The following SACS variants were observed in gnomAD, a reference collection of about 807,000 sequenced individuals.
SACS encodes the protein sacsin.
SACS carries 197 observed loss-of-function variants against 348.0 expected under a neutral mutation model. That is an observed-to-expected ratio of 0.57 (90% CI 0.50 to 0.64). SACS has a LOEUF of 0.64. Ranked by LOEUF, SACS falls within the 30% of genes least tolerant of loss-of-function variation. The probability of loss-of-function intolerance (pLI) is 0.00; values close to 1 mark genes in which losing one functional copy is unlikely to be tolerated. For synonymous variants in SACS, 1,985 were observed against 1,910.6 expected (o/e 1.04, Z -1.02); for missense variants, 4,999 against 5,360.8 (o/e 0.93, Z 2.11).
rs749087846 is a variant in SACS at position 23,411,211 on chromosome 13, C to T, written c.20+9G>A. 2 of 1,602,524 alleles carry T rather than the reference C, an allele frequency of 1.2e-6. No homozygotes were observed. Among genetic ancestry groups the T allele is most frequent in the Admixed American group, 1.7e-5 (1 of 59,954 alleles). The stretch of plus-strand genomic sequence containing the variant: ...AAATTATTGTCATTTAAAACATTAA[C>T]TCATTTACCTGTTCTCCTTGGTCTC... On this transcript the variant is annotated intron_variant, in intron 2 of 9. Transcript: ENST00000382292.
At chr13:23,431,752 C>T (rs1251773720) in intron 1 of SACS, among the ~76,000 whole-genome samples, 1 of 152,194 alleles carries the variant, frequency 6.6e-6, no homozygotes, top group African/African-American at 2.4e-5. Context: ...CTTTTATAGA[C>T]AAGAGGGCTT....
chr13:23,370,936 G>A (rs1271799184), intron 4 of SACS, 142 bp downstream of exon 4: 7 of 463,232 alleles, frequency 1.5e-5, no homozygotes, highest in Non-Finnish European at 2.8e-5. Flanking sequence ...AGGTTGTGGT[G>A]AGCTGAGATT....
chr13:23,329,275 C>A lies in SACS; in HGVS notation c.*861G>T. 1 of 563,992 alleles carries A rather than the reference C, an allele frequency of 1.8e-6. No individual in the cohort carries two copies. The highest frequency in any genetic ancestry group is 2.5e-5 in the South Asian group (1 of 40,000). 34.9% of individuals were successfully genotyped at this position (563,992 alleles called of 1,614,324 possible). Reference sequence around the variant, plus strand: ...GTTGTTTTTTTTTTAACTGCAGCACCTTTAGACAACAAAAGATTGCATCCT... The same window carrying A: ...GTTGTTTTTTTTTTAACTGCAGCACATTTAGACAACAAAAGATTGCATCCT... On this transcript the variant is annotated 3_prime_UTR_variant, in exon 10 of 10. Coordinates refer to ENST00000382292, the MANE Select transcript of SACS (RefSeq NM_014363.6).
At chr13:23,407,394 T>A (rs1248563312) in intron 2 of SACS, among the ~76,000 whole-genome samples, 4 of 151,562 alleles carry the variant, frequency 2.6e-5, no homozygotes, top group Non-Finnish European at 5.9e-5. Context: ...AGAGACGGGG[T>A]TTCACCGTGT....
intron 9 of SACS, among the ~76,000 whole-genome samples, chr13:23,352,338 C>T (rs567564021): frequency 4.6e-5 from 7 of 152,324 alleles, no homozygotes; most frequent in African/African-American, 9.6e-5. Flanking sequence ...AAAAGCCAGA[C>T]GCAGAATATA....
At chr13:23,430,132 C>T (rs897631660) in intron 1 of SACS, among the ~76,000 whole-genome samples, 17 of 151,916 alleles carry the variant, frequency 1.1e-4, no homozygotes, top group South Asian at 1.0e-3. Context: ...CACTGGAACC[C>T]GGGAAGTGGA....
chr13:23,359,097 G>A (rs1870572838), intron 6 of SACS, among the ~76,000 whole-genome samples: 1 of 152,038 alleles, frequency 6.6e-6, no homozygotes. Flanking sequence ...TAGGAGAACT[G>A]CTTGAACCCG....
rs1022474902 is a variant in SACS, at chr13:23,329,765, T to C, written c.*371A>G. ...ACCAATTATATGTCCAGTGTTTCATTAGCTCCTTCAAAAATACCATGTTAA... is the reference window on the plus strand; with the variant it reads ...ACCAATTATATGTCCAGTGTTTCATCAGCTCCTTCAAAAATACCATGTTAA... On this transcript the variant is annotated 3_prime_UTR_variant, in exon 10 of 10. Coordinates refer to ENST00000382292, the MANE Select transcript of SACS (RefSeq NM_014363.6). 6.2e-6 allele frequency: 3 copies of C among 482,962 alleles called. No homozygotes were observed. The highest frequency in any genetic ancestry group is 2.9e-5 in the South Asian group (1 of 34,566). 29.9% of individuals were successfully genotyped at this position (482,962 alleles called of 1,614,324 possible). A position where few individuals can be genotyped will look rare whatever the true frequency, so the allele number is the denominator to read the frequency against.
At chr13:23,348,779 T>C (rs1006132282) in intron 9 of SACS, among the ~76,000 whole-genome samples, 2 of 151,960 alleles carry the variant, frequency 1.3e-5, no homozygotes, top group Non-Finnish European at 2.9e-5. Flanking sequence ...AGGAACACCA[T>C]GTACAAAAGG....
intron 6 of SACS, among the ~76,000 whole-genome samples, chr13:23,364,848 G>C (rs570400767): frequency 7.4e-4 from 113 of 152,240 alleles, no homozygotes; most frequent in African/African-American, 2.7e-3. Flanking sequence ...CCAAATGCAG[G>C]AAAGTGTTAC....
At chr13:23,375,482 C>G (rs985872916) in intron 2 of SACS, 15 of 1,153,932 alleles carry the variant, frequency 1.3e-5, no homozygotes, top group Non-Finnish European at 1.5e-5. Flanking sequence ...GGCGCAGTCC[C>G]GTACGCAGCA....
chr13:23,405,770 G>A (rs1873177731), intron 2 of SACS, among the ~76,000 whole-genome samples: 1 of 151,868 alleles, frequency 6.6e-6, no homozygotes, highest in South Asian at 2.1e-4. Flanking sequence ...TATTTATGTG[G>A]CCAACAAACA....
chr13:23,345,975 A>G (rs141868589), intron 9 of SACS, among the ~76,000 whole-genome samples: 1,626 of 152,150 alleles, frequency 0.011, 15 homozygotes, highest in Middle Eastern at 0.037. Context: ...ACTCTCCCCA[A>G]TGAGAGCTAG....
chr13:23,420,370 G>C (rs1392775577), intron 1 of SACS, among the ~76,000 whole-genome samples: 1 of 152,016 alleles, frequency 6.6e-6, no homozygotes, highest in Non-Finnish European at 1.5e-5. Flanking sequence ...CTAGAATCCA[G>C]TGTCTACCTT....
At chr13:23,342,724 A>G (rs1160574532) in intron 9 of SACS, among the ~76,000 whole-genome samples, 1 of 152,216 alleles carries the variant, frequency 6.6e-6, no homozygotes, top group East Asian at 1.9e-4. Flanking sequence ...TGCATGACCT[A>G]CAGAGAAGGT....
chr13:23,359,461 T>A (rs889078423), intron 6 of SACS, among the ~76,000 whole-genome samples: 15 of 152,222 alleles, frequency 9.9e-5, no homozygotes, highest in African/African-American at 3.4e-4. Flanking sequence ...GCATTACTTG[T>A]ATGATTTTAA....
At position 23,333,812 on chromosome 13, in the gene SACS, A is replaced by T. The variant is rs372488932; in HGVS notation, c.10064T>A (p.Ile3355Lys). ...VPLLSCHTAN[I>K]ESPTSILKAL... ...CTTCAAGATGCTTGTGGGGCTCTCT[A>T]TATTTGCTGTGTGACATGACAACAA... Residue 3355 changes from isoleucine to lysine, a missense_variant, in exon 10 of 10, where the codon ATA (isoleucine) becomes AAA (lysine). Around this residue, in one of 6 missense-constraint regions of SACS, gnomAD observed 734 missense variants for 694.0 expected, o/e 1.06. Coordinates refer to ENST00000382292, the MANE Select transcript of SACS (RefSeq NM_014363.6). 6.2e-7 allele frequency: 1 copy of T among 1,613,856 alleles called. No homozygotes were observed. Among genetic ancestry groups the T allele is most frequent in the African/African-American group, 1.3e-5 (1 of 75,008 alleles).
intron 8 of SACS, 45 bp downstream of exon 8, chr13:23,354,474 G>C (rs1445491798): frequency 1.3e-6 from 2 of 1,547,464 alleles, no homozygotes; most frequent in Admixed American, 3.3e-5. Flanking sequence ...GCAGGAGCAG[G>C]GGAACCCTAA....
At chr13:23,343,102 C>T (rs915921356) in intron 9 of SACS, among the ~76,000 whole-genome samples, 19 of 152,162 alleles carry the variant, frequency 1.2e-4, no homozygotes, top group Non-Finnish European at 2.6e-4. Flanking sequence ...AGCAGAGCAG[C>T]TCCACTTTTG....
Sources: allele counts gnomAD v4.1 joint callset (sites outside exome capture counted in the v4.1 genomes callset), GRCh38; gene constraint gnomAD v4.1.1; regional missense constraint gnomAD v4.1.1; transcripts MANE v1.5; gene names NCBI Gene and HGNC (gene_info 2026-07-23, HGNC 2026-07-21).